ALDH9A1: variants seen among roughly 807,000 people sequenced by gnomAD.
ALDH9A1 encodes 4-trimethylaminobutyraldehyde dehydrogenase.
Under a neutral mutation model 56.6 loss-of-function variants are expected in ALDH9A1, and 42 were observed. That is an observed-to-expected ratio of 0.74 (90% confidence interval 0.58 to 0.96). The LOEUF (loss-of-function observed/expected upper bound fraction) is 0.96. Among genes scored for constraint, ALDH9A1 ranks in the 40% least tolerant of loss-of-function variants. The pLI is 0.00. For missense variants in ALDH9A1, 661 were observed against 651.5 expected (o/e 1.01, Z -0.16); for synonymous variants, 242 against 236.0 (o/e 1.03, Z -0.23).
At chr1:165,680,407 T>C (rs1649508202) in intron 5 of ALDH9A1, 80 bp downstream of exon 5, 1 of 1,466,382 alleles carries the variant, frequency 6.8e-7, no homozygotes. Context: ...AAGAGAAGCC[T>C]CCAAAATATA....
At chr1:165,665,760 A>G (rs1002658520) in intron 9 of ALDH9A1, among the ~76,000 whole-genome samples, 1 of 152,188 alleles carries the variant, frequency 6.6e-6, no homozygotes, top group Non-Finnish European at 1.5e-5. Context: ...AGACAATAAC[A>G]AGGGCTGGTG....
At chr1:165,683,816 T>C (rs1649627910) in intron 2 of ALDH9A1, among the ~76,000 whole-genome samples, 1 of 152,160 alleles carries the variant, frequency 6.6e-6, no homozygotes, top group African/African-American at 2.4e-5. Flanking sequence ...CTTAAAGGTT[T>C]AGGAAATTAG....
chr1:165,668,884 T>G, intron 8 of ALDH9A1, 42 bp downstream of exon 8: 1 of 1,391,628 alleles, frequency 7.2e-7, no homozygotes, highest in Non-Finnish European at 1.0e-6. Flanking sequence ...CTATTCAGTA[T>G]TTAATTCAAA....
chr1:165,678,854 C>A (rs1488545252), intron 6 of ALDH9A1, among the ~76,000 whole-genome samples: 1 of 152,186 alleles, frequency 6.6e-6, no homozygotes, highest in Non-Finnish European at 1.5e-5. Context: ...ATGGCCTGTT[C>A]TCCCAAAATG....
intron 2 of ALDH9A1, among the ~76,000 whole-genome samples, chr1:165,691,492 G>A (rs10918246): frequency 0.026 from 3,973 of 152,250 alleles, 163 homozygotes; most frequent in African/African-American, 0.091. Context: ...CCAAAGGATC[G>A]CAGCTCCTCA....
At chr1:165,681,005 C>G (rs1649534993) in intron 4 of ALDH9A1, among the ~76,000 whole-genome samples, 2 of 152,068 alleles carry the variant, frequency 1.3e-5, no homozygotes, top group Admixed American at 1.3e-4. Flanking sequence ...AAGCGGAAAC[C>G]CCTGATAAAC....
intron 2 of ALDH9A1, among the ~76,000 whole-genome samples, chr1:165,690,928 G>A (rs10918245): frequency 0.3 from 46,243 of 152,114 alleles, 7,292 homozygotes; most frequent in South Asian, 0.49. Context: ...CTGCACCTCT[G>A]GCGGCAGGGC....
intron 2 of ALDH9A1, among the ~76,000 whole-genome samples, chr1:165,688,914 T>A (rs193050785): frequency 6.6e-6 from 1 of 151,942 alleles, no homozygotes; most frequent in African/African-American, 2.4e-5. Context: ...TTTTGATTAA[T>A]AAAACACCAC....
chr1:165,668,613 C>T (rs1649077874), intron 8 of ALDH9A1: 2 of 210,160 alleles, frequency 9.5e-6, no homozygotes, highest in Non-Finnish European at 1.9e-5. Flanking sequence ...ACATGAAAAA[C>T]ATTCTTTATT....
intron 2 of ALDH9A1, among the ~76,000 whole-genome samples, chr1:165,687,851 G>A (rs965910878): frequency 6.6e-6 from 1 of 152,046 alleles, no homozygotes; most frequent in Admixed American, 6.5e-5. Flanking sequence ...AGCCAGGCAT[G>A]GTGGCACACA....
In ALDH9A1 at chr1:165,695,287, A is replaced by C; in HGVS notation, c.292T>G (p.Cys98Gly). ...CTGGCAGCCTCCAAAAGGATTCGGC[A>C]ACGCTCCATGCCAGATTTTTGACTC... ...IWSQKSGMER[C>G]RILLEAARII... Residue 98 changes from cysteine to glycine, a missense_variant, in exon 2 of 11, where the codon TGC (cysteine) becomes GGC (glycine). Cys to Gly is a radical substitution (Grantham distance 159). Transcript: ENST00000354775. 6.2e-7 allele frequency: 1 copy of C among 1,612,414 alleles called. No homozygotes were observed. The highest frequency in any genetic ancestry group is 8.5e-7 in the Non-Finnish European group (1 of 1,179,330).
chr1:165,683,071 T>C lies in ALDH9A1; in HGVS notation c.367A>G (p.Asn123Asp). ...CGGGCCTCAAAGATGGACTTGCCAT[T>C]GTTGATGCACTCCATAGTAGCAATT... ...DEIATMECIN[N>D]GKSIFEARLD... Residue 123 changes from asparagine to aspartate, a missense_variant, in exon 3 of 11, where the codon AAT becomes GAT. Physicochemically the swap from Asn to Asp is conservative, Grantham distance 23. Coordinates refer to ENST00000354775, the MANE Select transcript of ALDH9A1 (RefSeq NM_000696.4). 6.2e-7 allele frequency: 1 copy of C among 1,614,062 alleles called. No homozygotes were observed. Among genetic ancestry groups the C allele is most frequent in the African/African-American group, 1.3e-5 (1 of 75,024 alleles).
rs1460257334 is a variant in ALDH9A1 at position 165,682,206 on chromosome 1, A to C, written c.493T>G (p.Tyr165Asp). ...ACCCCAAGTGGTTCTCTTCTGGTAT[A>C]ACCAAACGATCCACCTGGGAGCTGG... ...HIQLPGGSFG[Y>D]TRREPLGVCV... is the part of the protein sequence containing the mutation. Residue 165 changes from tyrosine (Y) to aspartate (D), a missense_variant, in exon 4 of 11, where the codon TAT becomes GAT. Physicochemically the swap from Tyr to Asp is radical, Grantham distance 160 (BLOSUM62 -3). Transcript: ENST00000354775. The C allele has an allele frequency of 6.2e-7, 1 of 1,613,806 alleles. No individual in the cohort carries two copies.
chr1:165,696,768 AC>A (rs1558014601), intron 1 of ALDH9A1, among the ~76,000 whole-genome samples: 1 of 152,214 alleles, frequency 6.6e-6, no homozygotes, highest in Non-Finnish European at 1.5e-5. Context: ...GGGAGATTTC[AC>A]AAATCTGCAA....
intron 2 of ALDH9A1, among the ~76,000 whole-genome samples, chr1:165,689,262 A>G (rs1475571297): frequency 1.3e-5 from 2 of 152,234 alleles, no homozygotes; most frequent in African/African-American, 4.8e-5. Flanking sequence ...TTTCCAAGCA[A>G]AGGACACTGA....
Position 165,663,070 on chromosome 1 carries a change from C to T in ALDH9A1, c.1537G>A (p.Asp513Asn), listed in dbSNP as rs1266984555. The T allele has an allele frequency of 6.2e-7, 1 of 1,614,036 alleles. No homozygotes were observed. The highest frequency in any genetic ancestry group is 8.5e-7 in the Non-Finnish European group (1 of 1,179,920). ...GGTTTTCAAAAAGCAGATTCCACAT[C>T]ACCCATCTCCACACACACAGTCTTC... ...QLKTVCVEMG[D>N]VESAF is the part of the protein sequence containing the mutation. Residue 513 changes from aspartate to asparagine, a missense_variant, in exon 11 of 11, where the codon GAT (aspartate) becomes AAT (asparagine). Coordinates refer to ENST00000354775, the MANE Select transcript of ALDH9A1 (RefSeq NM_000696.4).
chr1:165,686,110 G>A (rs1385104083), intron 2 of ALDH9A1, among the ~76,000 whole-genome samples: 1 of 152,130 alleles, frequency 6.6e-6, no homozygotes, highest in East Asian at 1.9e-4. Flanking sequence ...TGGATTAACA[G>A]GGACCAGATT....
At chr1:165,672,972 AACAC>A (rs67363579) in intron 6 of ALDH9A1, among the ~76,000 whole-genome samples, 7,319 of 124,172 alleles carry the variant, frequency 0.059, 494 homozygotes, top group African/African-American at 0.17. Flanking sequence ...AAAAAATACA[AACAC>A]ACACACACAC....
chr1:165,690,460 C>T (rs536571050), intron 2 of ALDH9A1, among the ~76,000 whole-genome samples: 16 of 152,176 alleles, frequency 1.1e-4, no homozygotes, highest in African/African-American at 3.9e-4. Flanking sequence ...ATCAAGATGG[C>T]CGAATAGGAG....
Sources: allele counts gnomAD v4.1 joint callset (sites outside exome capture counted in the v4.1 genomes callset), GRCh38; gene constraint gnomAD v4.1.1; transcripts MANE v1.5; gene names NCBI Gene and HGNC (gene_info 2026-07-23, HGNC 2026-07-21).